The following CDH20 variants were observed in gnomAD, a reference collection of about 807,000 sequenced individuals.
The protein encoded by CDH20 is cadherin-20.
Under a neutral mutation model 74.2 loss-of-function variants are expected in CDH20, and 29 were observed. That is an observed-to-expected ratio of 0.39 (90% CI 0.29 to 0.53). The LOEUF (loss-of-function observed/expected upper bound fraction) is 0.53, where lower values mean the gene tolerates loss of function less well. CDH20 is among the 20% of genes least tolerant of loss of function. The pLI is 0.69. For missense variants in CDH20, 988 were observed against 1,048.3 expected, an observed-to-expected ratio of 0.94 and a Z score of 0.79; for synonymous variants, 469 against 405.4, an observed-to-expected ratio of 1.16 and a Z score of -1.88.
Position 61,554,914 on chromosome 18 carries a change from T to C in CDH20, c.*219T>C. ...AAGAGGGCAGAATCTTTAATTACCT[T>C]TTTTTCTTTTCTTTTTGATTTTTCT... On this transcript the variant is annotated 3_prime_UTR_variant, in exon 12 of 12. Coordinates refer to ENST00000262717, the MANE Select transcript of CDH20 (RefSeq NM_031891.4). 7.3e-7 allele frequency: 1 copy of C among 1,372,182 alleles called. No individual in the cohort carries two copies. Among genetic ancestry groups the C allele is most frequent in the African/African-American group, 1.4e-5 (1 of 69,226 alleles). 85.0% of individuals were successfully genotyped at this position (1,372,182 alleles called of 1,614,324 possible). A position where few individuals can be genotyped will look rare whatever the true frequency, so the allele number is the denominator to read the frequency against.
In CDH20 at chr18:61,554,593, G is replaced by C. The variant is rs756107421; in HGVS notation, c.2304G>C (p.Ser768=). The change falls in exon 12 of 12, where the codon TCG becomes TCC. Residue 768 remains serine (S), a synonymous_variant. Transcript: ENST00000262717. ...TGAGCTCCCTGCAGTCGGCCACGTC[G>C]GACTCGGAACAGAGCTTCGACTTCC... The part of the protein sequence containing the change: ...GSLSSLQSAT[S]DSEQSFDFLT... 1.2e-6 allele frequency: 2 copies of C among 1,608,868 alleles called. No individual in the cohort carries two copies. Among genetic ancestry groups the C allele is most frequent in the Admixed American group, 1.7e-5 (1 of 59,720 alleles).
chr18:61,452,716 C>T (rs1406662288), intron 1 of CDH20, among the ~76,000 whole-genome samples: 1 of 152,124 alleles, frequency 6.6e-6, no homozygotes, highest in Admixed American at 6.5e-5. Context: ...TACATGACAG[C>T]TATGTAACAC....
At chr18:61,396,021 C>T (rs1160854744) in intron 1 of CDH20, among the ~76,000 whole-genome samples, 2 of 147,702 alleles carry the variant, frequency 1.4e-5, no homozygotes, top group Non-Finnish European at 3.0e-5. Flanking sequence ...GGCATAGTAT[C>T]TCTCCTGTGC....
chr18:61,486,666 A>G (rs914609476), intron 1 of CDH20, among the ~76,000 whole-genome samples: 1 of 152,080 alleles, frequency 6.6e-6, no homozygotes, highest in Admixed American at 6.5e-5. Context: ...GACTCTTTCT[A>G]TAAGCAAAAA....
intron 1 of CDH20, among the ~76,000 whole-genome samples, chr18:61,389,930 T>C (rs549374053): frequency 4.6e-5 from 7 of 152,340 alleles, no homozygotes; most frequent in African/African-American, 1.7e-4. Flanking sequence ...GTGATCATTT[T>C]GCAGCACATA....
intron 1 of CDH20, among the ~76,000 whole-genome samples, chr18:61,403,510 T>C (rs1912223909): frequency 6.6e-6 from 1 of 152,252 alleles, no homozygotes. Context: ...TAGATCAGGC[T>C]GATAAGTAAT....
At chr18:61,392,175 AC>A (rs909433556) in intron 1 of CDH20, among the ~76,000 whole-genome samples, 4 of 80,264 alleles carry the variant, frequency 5.0e-5, no homozygotes, top group Non-Finnish European at 1.0e-4. Context: ...TTCTGCTCCC[AC>A]CCCACCCCAC....
At chr18:61,544,945 C>A in intron 9 of CDH20, 82 bp from the exon 10 acceptor site, 1 of 864,482 alleles carries the variant, frequency 1.2e-6, no homozygotes, top group Non-Finnish European at 2.0e-6. Flanking sequence ...CCCACCATCG[C>A]GTTTCCGGGT....
intron 1 of CDH20, among the ~76,000 whole-genome samples, chr18:61,347,531 C>T (rs923947049): frequency 2.0e-5 from 3 of 148,284 alleles, no homozygotes; most frequent in African/African-American, 7.6e-5. Context: ...GGGAAAAAAA[C>T]AAACAAACAA....
chr18:61,377,671 T>C (rs1341035752), intron 1 of CDH20, among the ~76,000 whole-genome samples: 1 of 152,152 alleles, frequency 6.6e-6, no homozygotes, highest in Non-Finnish European at 1.5e-5. Flanking sequence ...ATGGAGTTTA[T>C]TTGGCTGTCA....
chr18:61,515,738 T>C (rs1324018303), intron 6 of CDH20, among the ~76,000 whole-genome samples: 2 of 131,430 alleles, frequency 1.5e-5, no homozygotes, highest in African/African-American at 2.9e-5. Flanking sequence ...TGAGATCACA[T>C]GGACACAGGA....
At chr18:61,404,941 A>C (rs958657795) in intron 1 of CDH20, 4 of 708,354 alleles carry the variant, frequency 5.6e-6, no homozygotes, top group Non-Finnish European at 1.1e-5. Flanking sequence ...CATACTCTGT[A>C]GTATTTTCCT....
intron 1 of CDH20, among the ~76,000 whole-genome samples, chr18:61,435,915 C>T (rs1169143387): frequency 6.6e-6 from 1 of 152,040 alleles, no homozygotes; most frequent in African/African-American, 2.4e-5. Flanking sequence ...ACACATTGAC[C>T]ATCGCTCCCC....
intron 1 of CDH20, among the ~76,000 whole-genome samples, chr18:61,362,402 G>A (rs1395801882): frequency 6.6e-6 from 1 of 152,058 alleles, no homozygotes; most frequent in African/African-American, 2.4e-5. Context: ...CTTTCCACTT[G>A]TCAGCACTTT....
chr18:61,458,103 T>G (rs1909639229), intron 1 of CDH20, among the ~76,000 whole-genome samples: 1 of 152,182 alleles, frequency 6.6e-6, no homozygotes, highest in Non-Finnish European at 1.5e-5. Context: ...TCTGCTTCTC[T>G]TTTGTTGTCT....
At chr18:61,393,140 T>C (rs750455844) in intron 1 of CDH20, among the ~76,000 whole-genome samples, 22 of 152,344 alleles carry the variant, frequency 1.4e-4, no homozygotes, top group South Asian at 8.3e-4. Flanking sequence ...TTCTTCTTCT[T>C]ACTCTCTGTT....
chr18:61,491,404 C>A (rs1414897112), intron 2 of CDH20, among the ~76,000 whole-genome samples: 1 of 151,928 alleles, frequency 6.6e-6, no homozygotes, highest in African/African-American at 2.4e-5. Flanking sequence ...AATTACAGAC[C>A]ATTTTGTGAA....
At chr18:61,424,576 C>T (rs1432500830) in intron 1 of CDH20, among the ~76,000 whole-genome samples, 1 of 152,138 alleles carries the variant, frequency 6.6e-6, no homozygotes, top group Non-Finnish European at 1.5e-5. Flanking sequence ...AGATCTCATC[C>T]ATCTAGAATT....
In CDH20 at chr18:61,525,171, C is replaced by T. The variant is rs563945484; in HGVS notation, c.1018-2796C>T. Among the ~76,000 whole-genome samples, 12 of 152,100 alleles carry T rather than the reference C, an allele frequency of 7.9e-5. No individual in the cohort carries two copies. The South Asian group carries it at 2.1e-3, about 26-fold the overall frequency. On this transcript the variant is annotated intron_variant, in intron 6 of 11. Coordinates refer to ENST00000262717, the MANE Select transcript of CDH20 (RefSeq NM_031891.4). The stretch of plus-strand genomic sequence containing the variant: ...AAACAGCTCTATAGCTTGATTATCA[C>T]GGTAGACACATGACTGAATACACTA...
Sources: gnomAD v4.1 joint callset for allele counts (sites outside exome capture counted in the v4.1 genomes callset) on GRCh38, gnomAD v4.1.1 for gene constraint, MANE v1.5 for transcripts, NCBI Gene and HGNC (gene_info 2026-07-23, HGNC 2026-07-21) for gene names.